ATG16L1: variants seen among roughly 807,000 people sequenced by gnomAD.
ATG16L1 encodes autophagy-related protein 16-1.
ATG16L1 carries 37 observed loss-of-function variants against 88.5 expected under a neutral mutation model. The observed-to-expected ratio is 0.42, with a 90% CI of 0.32 to 0.55. The LOEUF is 0.55. Ranked by LOEUF, ATG16L1 falls within the 20% of genes least tolerant of loss-of-function variation. The pLI, the probability that ATG16L1 is intolerant of heterozygous loss-of-function variation, is 0.13. For synonymous variants in ATG16L1, 301 were observed against 281.0 expected, an observed-to-expected ratio of 1.07 and a Z score of -0.71; for missense variants, 554 against 752.8, an observed-to-expected ratio of 0.74 and a Z score of 3.09.
Position 233,269,217 on chromosome 2 carries a change from G to T in ATG16L1, c.642-785G>T, listed in dbSNP as rs149612514. 7.5e-4 allele frequency among the ~76,000 whole-genome samples: 114 copies of T among 152,290 alleles called. 1 individual carries two copies. The highest frequency in any genetic ancestry group is 4.4e-4 in the Non-Finnish European group (30 of 68,032). Reference sequence around the variant, plus strand: ...ATTTCAAGAATCTCACTATACCTCAGTTTCCTCATTTATAAATGGCAATAA... The same window carrying T: ...ATTTCAAGAATCTCACTATACCTCATTTTCCTCATTTATAAATGGCAATAA... On this transcript the variant is annotated intron_variant, in intron 5 of 17. Coordinates refer to ENST00000392017, the MANE Select transcript of ATG16L1 (RefSeq NM_030803.7).
Position 233,289,970 on chromosome 2 carries a change from A to G in ATG16L1, c.1320A>G (p.Lys440=). The G allele has an allele frequency of 6.2e-7, 1 of 1,613,664 alleles. No individual in the cohort carries two copies. The highest frequency in any genetic ancestry group is 8.5e-7 in the Non-Finnish European group (1 of 1,179,576). ...RTLKLWDLRS[K]VCIKTVFAGS... Reference sequence around the variant, plus strand: ...TCAAACTCTGGGATCTACGCAGCAAAGTCTGTGAGGAAATTCAGTCTCTCT... The same window carrying G: ...TCAAACTCTGGGATCTACGCAGCAAGGTCTGTGAGGAAATTCAGTCTCTCT... The change falls in exon 13 of 18, where the codon AAA becomes AAG. Residue 440 remains lysine (K), a synonymous_variant. Transcript: ENST00000392017.
At chr2:233,281,042 G>T in intron 10 of ATG16L1, 63 bp from the exon 11 acceptor site, 1 of 1,102,210 alleles carries the variant, frequency 9.1e-7, no homozygotes, top group Non-Finnish European at 1.3e-6. Context: ...TCAGTGCCCT[G>T]TTTTAATGTA....
rs775372455 is a variant in ATG16L1 at position 233,289,737 on chromosome 2, C to T, written c.1204-117C>T. The T allele has an allele frequency of 2.0e-5, 27 of 1,377,852 alleles. No individual in the cohort carries two copies. The Middle Eastern group carries it at 9.7e-4, about 50-fold the overall frequency. The allele number at this position is 1,377,852 out of a possible 1,614,324, so 85.4% of individuals were successfully genotyped here. A position where few individuals can be genotyped will look rare whatever the true frequency, so the allele number is the denominator to read the frequency against. On this transcript the variant is annotated intron_variant, in intron 12 of 17. Transcript: ENST00000392017. ...TCTTATCGCTTTGAGTGTTCCTGGC[C>T]GGATCTCAGGGTGGTCTGACACTCT...
intron 12 of ATG16L1, 34 bp downstream of exon 12, chr2:233,282,787 C>T: frequency 6.3e-7 from 1 of 1,593,546 alleles, no homozygotes; most frequent in East Asian, 2.2e-5. Context: ...GTGCAATCTC[C>T]AAACTTCATG....
chr2:233,270,302 C>T (rs1179230911), intron 6 of ATG16L1, among the ~76,000 whole-genome samples: 1 of 152,094 alleles, frequency 6.6e-6, no homozygotes. Context: ...ACAGTTCTTC[C>T]ACCACTCAGA....
chr2:233,270,194 G>A, intron 6 of ATG16L1, 127 bp downstream of exon 6: 3 of 659,158 alleles, frequency 4.6e-6, no homozygotes, highest in South Asian at 2.9e-5. Context: ...CCAGGCTGGA[G>A]TGCAGTGGTG....
chr2:233,252,149 G>T (rs1041102911), intron 1 of ATG16L1, among the ~76,000 whole-genome samples: 9 of 152,214 alleles, frequency 5.9e-5, no homozygotes, highest in African/African-American at 1.9e-4. Flanking sequence ...CTATTAAATT[G>T]TACGATCTTT....
intron 2 of ATG16L1, among the ~76,000 whole-genome samples, chr2:233,258,959 A>G (rs1460029029): frequency 1.3e-5 from 2 of 151,958 alleles, no homozygotes; most frequent in Non-Finnish European, 2.9e-5. Flanking sequence ...TCAACCTTCC[A>G]TTAGTGTTGG....
intron 2 of ATG16L1, among the ~76,000 whole-genome samples, chr2:233,257,785 T>TCAC (rs1210811801): frequency 6.6e-6 from 1 of 152,106 alleles, no homozygotes; most frequent in East Asian, 1.9e-4. Flanking sequence ...GGCGGGTGGA[T>TCAC]CACAGGGTCA....
intron 9 of ATG16L1, among the ~76,000 whole-genome samples, chr2:233,276,574 G>A (rs1698387829): frequency 6.6e-6 from 1 of 152,198 alleles, no homozygotes. Flanking sequence ...TTGGGCTGAA[G>A]CAATCCTCCC....
At position 233,294,637 on chromosome 2, in the gene ATG16L1, A is replaced by T. The variant is rs1007105719; in HGVS notation, c.*287A>T. The T allele has an allele frequency of 1.2e-5, 3 of 252,322 alleles. No homozygotes were observed. The highest frequency in any genetic ancestry group is 6.7e-5 in the African/African-American group (3 of 44,688). 15.6% of individuals were successfully genotyped at this position (252,322 alleles called of 1,614,324 possible). ...TACTAGCTCTGACCTTCCATACCTCACTTGGGGGAGCACAGGGCCCCGCTG... is the reference window on the plus strand; with the variant it reads ...TACTAGCTCTGACCTTCCATACCTCTCTTGGGGGAGCACAGGGCCCCGCTG... On this transcript the variant is annotated 3_prime_UTR_variant, in exon 18 of 18. Coordinates refer to ENST00000392017, the MANE Select transcript of ATG16L1 (RefSeq NM_030803.7).
At chr2:233,272,904 C>T (rs779064573) in intron 6 of ATG16L1, 62 bp from the exon 7 acceptor site, 16 of 1,423,130 alleles carry the variant, frequency 1.1e-5, no homozygotes, top group Admixed American at 5.1e-5. Flanking sequence ...TTAGCATTTG[C>T]GGAACCGATT....
At chr2:233,278,292 G>C (rs933296728) in intron 10 of ATG16L1, among the ~76,000 whole-genome samples, 5 of 152,314 alleles carry the variant, frequency 3.3e-5, no homozygotes, top group Admixed American at 3.3e-4. Flanking sequence ...TTAGAAGTCT[G>C]AAGCCGGGCA....
At chr2:233,281,063 T>A in intron 10 of ATG16L1, 42 bp from the exon 11 acceptor site, 1 of 1,360,178 alleles carries the variant, frequency 7.4e-7, no homozygotes, top group African/African-American at 1.5e-5. Flanking sequence ...TTTATTGGCT[T>A]TATTTAACTT....
At position 233,288,354 on chromosome 2, in the gene ATG16L1, T is replaced by C. The variant is rs1476088122; in HGVS notation, c.1204-1500T>C. On this transcript the variant is annotated intron_variant, in intron 12 of 17. Transcript: ENST00000392017. Reference sequence around the variant, plus strand: ...TGGAGTGCAGTGGCATGATCTGGGCTCCTTGCAGCCTCGACCTTCTGGGCT... The same window carrying C: ...TGGAGTGCAGTGGCATGATCTGGGCCCCTTGCAGCCTCGACCTTCTGGGCT... Among the ~76,000 whole-genome samples the C allele has an allele frequency of 2.6e-5, 4 of 152,322 alleles. No homozygotes were observed. The East Asian group carries it at 7.7e-4, about 29-fold the overall frequency.
rs1697343972 is a variant in ATG16L1 at position 233,263,294 on chromosome 2, C to CG, written c.315+64dup. 3 of 1,482,598 alleles carry CG rather than the reference C, an allele frequency of 2.0e-6. No homozygotes were observed. In the Admixed American group the frequency reaches 5.4e-5, roughly 27 times the overall value. The allele number at this position is 1,482,598 out of a possible 1,614,324, so 91.8% of individuals were successfully genotyped here. A position where few individuals can be genotyped will look rare whatever the true frequency, so the allele number is the denominator to read the frequency against. ...CCCTCTATGAGAGTCCTGTGGGGAG[C>CG]GGGGGAGCTCAGTCACTTCTCACCA... On this transcript the variant is annotated intron_variant, in intron 3 of 17. Transcript: ENST00000392017.
chr2:233,292,021 A>T, intron 14 of ATG16L1, 107 bp from the exon 15 acceptor site: 3 of 1,328,838 alleles, frequency 2.3e-6, no homozygotes, highest in Non-Finnish European at 3.1e-6. Flanking sequence ...CTGCGCTGGC[A>T]GAGCGTTGCA....
At chr2:233,276,064 C>T (rs1053059000) in intron 9 of ATG16L1, 4 of 469,882 alleles carry the variant, frequency 8.5e-6, no homozygotes, top group South Asian at 3.1e-5. Flanking sequence ...AAGGTTTGGT[C>T]ACCTGTCATA....
intron 9 of ATG16L1, chr2:233,275,952 T>TGGC: frequency 1.9e-6 from 1 of 519,078 alleles, no homozygotes; most frequent in Non-Finnish European, 3.8e-6. Context: ...GACTGACGAG[T>TGGC]GGCAGTCATG....
Sources: allele counts gnomAD v4.1 joint callset (sites outside exome capture counted in the v4.1 genomes callset), GRCh38; gene constraint gnomAD v4.1.1; transcripts MANE v1.5; gene names NCBI Gene and HGNC (gene_info 2026-07-23, HGNC 2026-07-21).